Variants in TMEM165 observed in about 807,000 individuals in gnomAD.
TMEM165 encodes the protein transmembrane protein 165.
TMEM165 carries 19 observed loss-of-function variants against 30.0 expected under a neutral mutation model. That is an observed-to-expected ratio of 0.63 (90% CI 0.44 to 0.93). TMEM165 has a LOEUF of 0.93. Among genes scored for constraint, TMEM165 ranks in the 40% least tolerant of loss-of-function variants. The probability of loss-of-function intolerance (pLI) is 0.00; values close to 1 mark genes in which losing one functional copy is unlikely to be tolerated. For synonymous variants in TMEM165, 168 were observed against 162.9 expected (o/e 1.03, Z -0.24); for missense variants, 340 against 417.0 (o/e 0.82, Z 1.61).
chr4:55,448,941 A>T, intron 3 of TMEM165: 1 of 1,125,098 alleles, frequency 8.9e-7, no homozygotes, highest in Non-Finnish European at 1.3e-6. Flanking sequence ...AGAAATATCA[A>T]TATGATATTC....
chr4:55,412,602 T>C (rs972559026), intron 2 of TMEM165: 5 of 152,096 alleles, frequency 3.3e-5, no homozygotes, highest in Non-Finnish European at 7.3e-5. Flanking sequence ...TTTACTCTAA[T>C]GATTATAAAT....
At chr4:55,445,749 C>T (rs1341630207) in intron 3 of TMEM165, among the ~76,000 whole-genome samples, 1 of 151,520 alleles carries the variant, frequency 6.6e-6, no homozygotes, top group Non-Finnish European at 1.5e-5. Flanking sequence ...CACCACCACA[C>T]CTGGCTAACA....
downstream of TMEM165, among the ~76,000 whole-genome samples, chr4:55,427,598 G>A (rs779576742): frequency 5.3e-5 from 8 of 152,126 alleles, no homozygotes; most frequent in Non-Finnish European, 1.2e-4. Flanking sequence ...ACCCACCTCA[G>A]CCTCCCAAAG....
chr4:55,444,855 G>T, intron 3 of TMEM165: 1 of 1,486,422 alleles, frequency 6.7e-7, no homozygotes, highest in Non-Finnish European at 9.2e-7. Context: ...TGCACAACAT[G>T]AAAAGTAAGC....
intron 1 of TMEM165, among the ~76,000 whole-genome samples, chr4:55,411,337 TA>T (rs1440352644): frequency 2.0e-5 from 3 of 152,240 alleles, no homozygotes; most frequent in East Asian, 3.9e-4. Flanking sequence ...ATTTCTGGAT[TA>T]GGGGTACTCA....
chr4:55,424,544 T>G lies in TMEM165; in HGVS notation c.799T>G (p.Tyr267Asp). The change falls in exon 5 of 6, where the codon TAT (tyrosine) becomes GAT (aspartate). Residue 267 changes from tyrosine (Y) to aspartate (D), a missense_variant. By Grantham distance (160) the Tyr-to-Asp change is radical. Coordinates refer to ENST00000381334, the MANE Select transcript of TMEM165 (RefSeq NM_018475.5). ...CTGTGACGCTTGCTTCCAGGACCCCTATGGTGTAGCCGTGGGTGGAACTGT... is the reference window on the plus strand; with the variant it reads ...CTGTGACGCTTGCTTCCAGGACCCCGATGGTGTAGCCGTGGGTGGAACTGT... ...TIVLAAREDP[Y>D]GVAVGGTVGH... The G allele has an allele frequency of 6.2e-7, 1 of 1,610,666 alleles. No individual in the cohort carries two copies. Among genetic ancestry groups the G allele is most frequent in the East Asian group, 2.2e-5 (1 of 44,862 alleles).
Position 55,451,651 on chromosome 4 carries a change from T to C in TMEM165, c.409-588T>C, listed in dbSNP as rs910073983. Among the ~76,000 whole-genome samples the C allele has an allele frequency of 9.2e-5, 14 of 152,216 alleles. 1 individual carries two copies. The highest frequency in any genetic ancestry group is 2.1e-4 in the Non-Finnish European group (14 of 68,038). On this transcript the variant is annotated intron_variant, in intron 3 of 3. Coordinates refer to the TMEM165 transcript ENST00000608091. The stretch of plus-strand genomic sequence containing the variant: ...AGGGCTAATTTAGGATTTACTAGGA[T>C]TGAATCTTTGCATAAGGGAAAAAGA...
chr4:55,411,233 T>C (rs1721483099), intron 1 of TMEM165, among the ~76,000 whole-genome samples: 1 of 152,182 alleles, frequency 6.6e-6, no homozygotes, highest in Admixed American at 6.5e-5. Flanking sequence ...ATCTGCATTA[T>C]ACATGTTTAG....
At chr4:55,402,124 A>AAAAAAAAAAAAAAAAAAAAGAAAC (rs1553885133) in intron 1 of TMEM165, among the ~76,000 whole-genome samples, 2 of 147,334 alleles carry the variant, frequency 1.4e-5, no homozygotes, top group African/African-American at 5.3e-5. Context: ...GTCTCCAAAA[A>AAAAAAAAAAAAAAAAAAAAGAAAC]AAAAAAAGAA....
Position 55,440,084 on chromosome 4 carries a change from G to C in TMEM165, c.409-12155G>C, listed in dbSNP as rs183724329. ...AAATTACTAGGTACTAGGGGTGTCAGATATATGTGGCACATGATTCATCTG... is the reference window on the plus strand; with the variant it reads ...AAATTACTAGGTACTAGGGGTGTCACATATATGTGGCACATGATTCATCTG... On this transcript the variant is annotated intron_variant, in intron 3 of 3. Transcript: ENST00000608091. Among the ~76,000 whole-genome samples the C allele has an allele frequency of 6.2e-4, 95 of 152,110 alleles. 1 individual carries two copies. The highest frequency in any genetic ancestry group is 1.2e-3 in the Admixed American group (18 of 15,282).
chr4:55,442,738 A>T, intron 3 of TMEM165: 1 of 1,014,656 alleles, frequency 9.9e-7, no homozygotes. Context: ...TGACAGAGAA[A>T]GAAGTGGCAG....
intron 1 of TMEM165, chr4:55,399,059 A>T (rs1177607080): frequency 1.3e-5 from 2 of 152,172 alleles, no homozygotes; most frequent in Admixed American, 6.5e-5. Context: ...AGCTGACTAT[A>T]TAGTTAATTC....
downstream of TMEM165, among the ~76,000 whole-genome samples, chr4:55,426,723 A>C (rs555516647): frequency 6.6e-6 from 1 of 152,328 alleles, no homozygotes; most frequent in Admixed American, 6.5e-5. Context: ...GTAGTCTGCA[A>C]TTTGAAGAGA....
Position 55,448,601 on chromosome 4 carries a change from CGTGTGTGTGTGTGTGTGT to C in TMEM165, c.409-3612_409-3595del, listed in dbSNP as rs3034980. On this transcript the variant is annotated intron_variant, in intron 3 of 3. Transcript: ENST00000608091. ...ATATATGTGCGCGCGCGCACGCGCG[CGTGTGTGTGTGTGTGTGT>C]GTGTGTGTGTGTGTGTGTGTGTGTG... 3.5e-3 allele frequency among the ~76,000 whole-genome samples: 411 copies of C among 117,040 alleles called. 2 individuals carry two copies. Among genetic ancestry groups the C allele is most frequent in the Non-Finnish European group, 5.1e-3 (277 of 54,846 alleles). The allele number at this position is 117,040 out of a possible 152,430, so 76.8% of individuals were successfully genotyped here. A position where few individuals can be genotyped will look rare whatever the true frequency, so the allele number is the denominator to read the frequency against.
intron 3 of TMEM165, chr4:55,443,931 G>A (rs1439790052): frequency 1.9e-6 from 3 of 1,578,270 alleles, no homozygotes; most frequent in Non-Finnish European, 1.7e-6. Flanking sequence ...AATGAGCTTT[G>A]TAGATTGAAA....
At chr4:55,409,896 G>A (rs1721417447) in intron 1 of TMEM165, among the ~76,000 whole-genome samples, 1 of 152,162 alleles carries the variant, frequency 6.6e-6, no homozygotes, top group Non-Finnish European at 1.5e-5. Flanking sequence ...CTGCCTCTTA[G>A]GACCGTATGG....
intron 4 of TMEM165, among the ~76,000 whole-genome samples, chr4:55,422,299 C>A (rs563823043): frequency 6.6e-6 from 1 of 152,228 alleles, no homozygotes; most frequent in Non-Finnish European, 1.5e-5. Flanking sequence ...GCTCTGTCAC[C>A]CAGGCTGGAG....
At chr4:55,435,598 A>C (rs1342974578) in intron 3 of TMEM165, 1 of 1,613,780 alleles carries the variant, frequency 6.2e-7, no homozygotes, top group Non-Finnish European at 8.5e-7. Flanking sequence ...TAGAAGTCTA[A>C]AAAACAAATG....
At chr4:55,446,791 A>T (rs1244516335) in intron 3 of TMEM165, among the ~76,000 whole-genome samples, 2 of 152,188 alleles carry the variant, frequency 1.3e-5, no homozygotes, top group African/African-American at 4.8e-5. Flanking sequence ...GAGCAGAAAG[A>T]GTTTCACTTT....
Sources: allele counts gnomAD v4.1 joint callset (sites outside exome capture counted in the v4.1 genomes callset), GRCh38; gene constraint gnomAD v4.1.1; transcripts MANE v1.5; gene names NCBI Gene and HGNC (gene_info 2026-07-23, HGNC 2026-07-21).